SCRT1: variants seen among roughly 807,000 people sequenced by gnomAD.
SCRT1 encodes transcriptional repressor scratch 1.
Under a neutral mutation model 3.4 loss-of-function variants are expected in SCRT1, and 1 was observed. The observed-to-expected ratio is 0.29, with a 90% CI of 0.10 to 1.39. The LOEUF (loss-of-function observed/expected upper bound fraction) is 1.39, where lower values mean the gene tolerates loss of function less well. Ranked by LOEUF, SCRT1 falls within the 40% of genes most tolerant of loss-of-function variation. The pLI is 0.42. For synonymous variants in SCRT1, 238 were observed against 247.0 expected (o/e 0.96, Z 0.34); for missense variants, 380 against 526.3 (o/e 0.72, Z 2.72).
In SCRT1 at chr8:144,332,346, C is replaced by T. The variant is rs1439314109; in HGVS notation, c.*839G>A. ...GGTGTGTAGAGGGCAGCGCCCAGGC[C>T]TGCCTGCCGGCCCCGGGAATCCGTC... is the stretch of plus-strand genomic sequence containing the variant. On this transcript the variant is annotated 3_prime_UTR_variant, in exon 2 of 2. Transcript: ENST00000569446. 1 of 143,828 alleles carries T rather than the reference C, an allele frequency of 7.0e-6. No homozygotes were observed. The highest frequency in any genetic ancestry group is 2.3e-4 in the East Asian group (1 of 4,280). 8.9% of individuals were successfully genotyped at this position (143,828 alleles called of 1,614,324 possible).
chr8:144,333,140 GC>G lies in SCRT1; in HGVS notation c.*44del. ...ACGCCAGCGAAGACTTCCCTGGGGG[GC>G]CGTATTGCTGAGAGCCGACCTGGCT... On this transcript the variant is annotated 3_prime_UTR_variant, in exon 2 of 2. Transcript: ENST00000569446. 2 of 1,406,728 alleles carry G rather than the reference GC, an allele frequency of 1.4e-6. No homozygotes were observed. Among genetic ancestry groups the G allele is most frequent in the Middle Eastern group, 2.4e-4 (1 of 4,196 alleles). 87.1% of individuals were successfully genotyped at this position (1,406,728 alleles called of 1,614,324 possible).
In SCRT1 at chr8:144,333,223, C is replaced by T. The variant is rs1370446539; in HGVS notation, c.1009G>A (p.Ala337Thr). ...GGGCTGAGCTGTGGCGGCGCAGGAGCCGCGGGGCCTCCGGCGCCGCCCTTG... is the reference window on the plus strand; with the variant it reads ...GGGCTGAGCTGTGGCGGCGCAGGAGTCGCGGGGCCTCCGGCGCCGCCCTTG... ...CFKGGAGGPA[A>T]PAPPQLSPVQ... Residue 337 changes from alanine to threonine, a missense_variant, in exon 2 of 2, where the codon GCT becomes ACT. Ala to Thr is a moderately conservative substitution (Grantham distance 58). Around this residue, in one of 5 missense-constraint regions of SCRT1, gnomAD observed 67 missense variants for 64.7 expected, o/e 1.04. Coordinates refer to ENST00000569446, the MANE Select transcript of SCRT1 (RefSeq NM_031309.6). The T allele has an allele frequency of 1.9e-6, 3 of 1,589,524 alleles. No individual in the cohort carries two copies. The highest frequency in any genetic ancestry group is 2.7e-5 in the African/African-American group (2 of 74,636).
rs1817721443 is a variant in SCRT1 at position 144,330,776 on chromosome 8, G to GGGGC, written c.*2405_*2408dup. 6.6e-6 allele frequency: 1 copy of GGGGC among 150,980 alleles called. No individual in the cohort carries two copies. Among genetic ancestry groups the GGGGC allele is most frequent in the African/African-American group, 2.4e-5 (1 of 41,286 alleles). The allele number at this position is 150,980 out of a possible 1,614,324, so 9.4% of individuals were successfully genotyped here. ...AGGCGGCGGGGCACAGGCGGGGGTGGGGGCGGGCGGGCCGGCGGCCGCAGC... is the reference window on the plus strand; with the variant it reads ...AGGCGGCGGGGCACAGGCGGGGGTGGGGGCGGGCGGGCGGGCCGGCGGCCGCAGC... On this transcript the variant is annotated 3_prime_UTR_variant, in exon 2 of 2. Transcript: ENST00000569446.
Position 144,333,592 on chromosome 8 carries a change from G to A in SCRT1, c.640C>T (p.Arg214Cys). The change falls in exon 2 of 2, where the codon CGC becomes TGC. Residue 214 changes from arginine (R) to cysteine (C), a missense_variant. Physicochemically the swap from Arg to Cys is radical, Grantham distance 180 (BLOSUM62 -3). Coordinates refer to ENST00000569446, the MANE Select transcript of SCRT1 (RefSeq NM_031309.6). ...SNLSRHKQTHRSLDSQLARRC... is the reference protein window; with the variant it reads ...SNLSRHKQTHCSLDSQLARRC... ...CGCGCCAGCTGGCTGTCCAGGCTGC[G>A]GTGCGTCTGCTTGTGGCGGCTCAGG... The A allele has an allele frequency of 6.2e-7, 1 of 1,610,076 alleles. No individual in the cohort carries two copies. The highest frequency in any genetic ancestry group is 8.5e-7 in the Non-Finnish European group (1 of 1,179,288).
Position 144,333,386 on chromosome 8 carries a change from G to C in SCRT1, c.846C>G (p.Gly282=), listed in dbSNP as rs782548392. ...GEKPFGCAHC[G]KAFADRSNLR... ...GGTTGGAGCGGTCGGCGAAGGCCTT[G>C]CCGCAGTGCGCGCAGCCGAAGGGTT... Residue 282 remains glycine, a synonymous_variant, in exon 2 of 2, where the codon GGC becomes GGG. Transcript: ENST00000569446. 6.2e-7 allele frequency: 1 copy of C among 1,608,544 alleles called. No homozygotes were observed. The highest frequency in any genetic ancestry group is 8.5e-7 in the Non-Finnish European group (1 of 1,178,506).
rs1554850006 is a variant in SCRT1 at position 144,333,929 on chromosome 8, G to A, written c.303C>T (p.Tyr101=). ...CGCTGACGGCCGCGTCGCCGTTGATGTAGCCGCCCGCAGCGGTGGCCAGCT... is the reference window on the plus strand; with the variant it reads ...CGCTGACGGCCGCGTCGCCGTTGATATAGCCGCCCGCAGCGGTGGCCAGCT... The part of the protein sequence containing the change: ...RPELATAAGG[Y]INGDAAVSEG... The change falls in exon 2 of 2, where the codon TAC becomes TAT. Residue 101 remains tyrosine (Y), a synonymous_variant. Coordinates refer to ENST00000569446, the MANE Select transcript of SCRT1 (RefSeq NM_031309.6). 7.6e-7 allele frequency: 1 copy of A among 1,320,790 alleles called. No homozygotes were observed. The highest frequency in any genetic ancestry group is 1.5e-5 in the African/African-American group (1 of 64,840). 81.8% of individuals were successfully genotyped at this position (1,320,790 alleles called of 1,614,324 possible).
In SCRT1 at chr8:144,333,715, C is replaced by T; in HGVS notation, c.517G>A (p.Gly173Arg). 5.3e-6 allele frequency: 6 copies of T among 1,137,270 alleles called. No individual in the cohort carries two copies. The highest frequency in any genetic ancestry group is 4.2e-5 in the South Asian group (1 of 23,576). The allele number at this position is 1,137,270 out of a possible 1,614,324, so 70.4% of individuals were successfully genotyped here. ...GPGGRGGTRA[G>R]AGTEARAGPG... ...CCCGCGCGCGCCTCGGTGCCTGCCC[C>T]CGCGCGCGTGCCGCCCCGGCCCCCC... Residue 173 changes from glycine (G) to arginine (R), a missense_variant, in exon 2 of 2, where the codon GGG (glycine) becomes AGG (arginine). Gly to Arg is a moderately radical substitution (Grantham distance 125, BLOSUM62 -2). Transcript: ENST00000569446.
At position 144,333,348 on chromosome 8, in the gene SCRT1, A is replaced by C; in HGVS notation, c.884T>G (p.Met295Arg). The C allele has an allele frequency of 6.2e-7, 1 of 1,612,262 alleles. No individual in the cohort carries two copies. The highest frequency in any genetic ancestry group is 8.5e-7 in the Non-Finnish European group (1 of 1,179,530). Residue 295 changes from methionine (M) to arginine (R), a missense_variant, in exon 2 of 2, where the codon ATG (methionine) becomes AGG (arginine). Met to Arg is a moderately conservative substitution (Grantham distance 91). Around this residue, in one of 5 missense-constraint regions of SCRT1, gnomAD observed 56 missense variants for 169.3 expected, o/e 0.33. Transcript: ENST00000569446. Reference protein sequence around the residue: ...FADRSNLRAHMQTHSAFKHFQ... With the variant: ...FADRSNLRAHRQTHSAFKHFQ... The stretch of plus-strand genomic sequence containing the variant: ...GTGCTTGAAGGCCGAATGCGTCTGC[A>C]TGTGCGCGCGCAGGTTGGAGCGGTC...
In SCRT1 at chr8:144,332,827, A is replaced by C. The variant is rs904891593; in HGVS notation, c.*358T>G. 9.4e-6 allele frequency: 2 copies of C among 211,716 alleles called. No homozygotes were observed. Among genetic ancestry groups the C allele is most frequent in the Non-Finnish European group, 9.4e-6 (1 of 106,632 alleles). 13.1% of individuals were successfully genotyped at this position (211,716 alleles called of 1,614,324 possible). A position where few individuals can be genotyped will look rare whatever the true frequency, so the allele number is the denominator to read the frequency against. ...GACCTGAGTCCCTGCGACGCGATCC[A>C]GGGGCGCAGAGGCGGGAGAAGGAGG... On this transcript the variant is annotated 3_prime_UTR_variant, in exon 2 of 2. Transcript: ENST00000569446.
In SCRT1 at chr8:144,336,229, C is replaced by A; in HGVS notation, c.-60G>T. Reference sequence around the variant, plus strand: ...GAGCCGGGGCTTGGGGGGGCTGCGGCGGCAGGGCCCCGTCACCATCCGAGG... The same window carrying A: ...GAGCCGGGGCTTGGGGGGGCTGCGGAGGCAGGGCCCCGTCACCATCCGAGG... On this transcript the variant is annotated 5_prime_UTR_variant, in exon 1 of 2. Coordinates refer to ENST00000569446, the MANE Select transcript of SCRT1 (RefSeq NM_031309.6). The surrounding 1 kb of genome is among the most constrained non-coding windows in gnomAD (Gnocchi z 6.8). 1 of 1,281,210 alleles carries A rather than the reference C, an allele frequency of 7.8e-7. No individual in the cohort carries two copies. Among genetic ancestry groups the A allele is most frequent in the Admixed American group, 2.5e-5 (1 of 40,520 alleles). 79.4% of individuals were successfully genotyped at this position (1,281,210 alleles called of 1,614,324 possible). A position where few individuals can be genotyped will look rare whatever the true frequency, so the allele number is the denominator to read the frequency against.
chr8:144,333,837 C>G lies in SCRT1; in HGVS notation c.395G>C (p.Gly132Ala). 8.1e-7 allele frequency: 1 copy of G among 1,233,044 alleles called. No individual in the cohort carries two copies. The highest frequency in any genetic ancestry group is 1.0e-6 in the Non-Finnish European group (1 of 988,418). 76.4% of individuals were successfully genotyped at this position (1,233,044 alleles called of 1,614,324 possible). ...GRSRRKASNA[G>A]AAAAPSTASA... Reference sequence around the variant, plus strand: ...GGCTGTGGAGGGAGCGGCGGCAGCGCCGGCATTGGAAGCCTTACGCCGCGA... The same window carrying G: ...GGCTGTGGAGGGAGCGGCGGCAGCGGCGGCATTGGAAGCCTTACGCCGCGA... Residue 132 changes from glycine (G) to alanine (A), a missense_variant, in exon 2 of 2, where the codon GGC (glycine) becomes GCC (alanine). By Grantham distance (60) the Gly-to-Ala change is moderately conservative (BLOSUM62 0). Coordinates refer to ENST00000569446, the MANE Select transcript of SCRT1 (RefSeq NM_031309.6).
Position 144,332,785 on chromosome 8 carries a change from T to G in SCRT1, c.*400A>C. The G allele has an allele frequency of 6.0e-6, 1 of 165,670 alleles. No individual in the cohort carries two copies. The highest frequency in any genetic ancestry group is 1.3e-5 in the Non-Finnish European group (1 of 77,262). The allele number at this position is 165,670 out of a possible 1,614,324, so 10.3% of individuals were successfully genotyped here. Reference sequence around the variant, plus strand: ...GCCGCAGGCCCTGCGCTAGAAGGCTTGGGAAGGGGTGGGGAAGACCTGAGT... The same window carrying G: ...GCCGCAGGCCCTGCGCTAGAAGGCTGGGGAAGGGGTGGGGAAGACCTGAGT... On this transcript the variant is annotated 3_prime_UTR_variant, in exon 2 of 2. Transcript: ENST00000569446.
In SCRT1 at chr8:144,333,297, C is replaced by T; in HGVS notation, c.935G>A (p.Ser312Asn). 6.2e-7 allele frequency: 1 copy of T among 1,612,888 alleles called. No homozygotes were observed. The highest frequency in any genetic ancestry group is 8.5e-7 in the Non-Finnish European group (1 of 1,179,766). Reference protein sequence around the residue: ...KHFQCKRCKKSFALKSYLNKH... With the variant: ...KHFQCKRCKKNFALKSYLNKH... ...GTTGAGATAGGACTTGAGCGCGAAG[C>T]TCTTCTTGCAGCGCTTGCACTGGAA... Residue 312 changes from serine (S) to asparagine (N), a missense_variant, in exon 2 of 2, where the codon AGC (serine) becomes AAC (asparagine). Physicochemically the swap from Ser to Asn is conservative, Grantham distance 46. This residue lies in a region of SCRT1 where 67 missense variants were observed against 64.7 expected (regional missense o/e 1.04). Transcript: ENST00000569446.
intron 1 of SCRT1, among the ~76,000 whole-genome samples, chr8:144,334,930 G>A (rs782409943): frequency 4.6e-5 from 7 of 152,168 alleles, no homozygotes; most frequent in Non-Finnish European, 1.0e-4. Flanking sequence ...TGTGCAGAGA[G>A]GGCCAGGGCG....
Position 144,335,848 on chromosome 8 carries a change from C to A in SCRT1, c.115+207G>T, listed in dbSNP as rs1337753739. ...CCTGATCCTCTTCCCCACCCTCTGT[C>A]CAACGTCGACACTCTCCCTGCCCAG... On this transcript the variant is annotated intron_variant, in intron 1 of 1. Transcript: ENST00000569446. This position sits in a 1 kb window ranked among gnomAD's most constrained non-coding sequence, Gnocchi z 7.7. Among the ~76,000 whole-genome samples, 9 of 152,358 alleles carry A rather than the reference C, an allele frequency of 5.9e-5. No homozygotes were observed. In the East Asian group the frequency reaches 1.5e-3, roughly 26 times the overall value.
Position 144,332,869 on chromosome 8 carries a change from C to G in SCRT1, c.*316G>C. On this transcript the variant is annotated 3_prime_UTR_variant, in exon 2 of 2. Transcript: ENST00000569446. ...AGAAGGAGGGCGCTCCCTACCTCAC[C>G]TCACCCCCGTCTTCAGAGACCCAAC... The G allele has an allele frequency of 3.2e-6, 1 of 309,344 alleles. No individual in the cohort carries two copies. Among genetic ancestry groups the G allele is most frequent in the Non-Finnish European group, 5.9e-6 (1 of 168,516 alleles). The allele number at this position is 309,344 out of a possible 1,614,324, so 19.2% of individuals were successfully genotyped here. A position where few individuals can be genotyped will look rare whatever the true frequency, so the allele number is the denominator to read the frequency against.
rs782264128 is a variant in SCRT1 at position 144,334,125 on chromosome 8, G to A, written c.116-9C>T. ...GTAGTCGCTGAGGTACCCTGCGGGC[G>A]GAGGCGGACGGACAGCGGGAAGGGA... On this transcript the variant is annotated splice_polypyrimidine_tract_variant and intron_variant, in intron 1 of 1. Coordinates refer to ENST00000569446, the MANE Select transcript of SCRT1 (RefSeq NM_031309.6). 6.6e-6 allele frequency: 10 copies of A among 1,524,054 alleles called. No individual in the cohort carries two copies. The highest frequency in any genetic ancestry group is 6.1e-6 in the Non-Finnish European group (7 of 1,139,096). 94.4% of individuals were successfully genotyped at this position (1,524,054 alleles called of 1,614,324 possible).
At position 144,331,045 on chromosome 8, in the gene SCRT1, A is replaced by C. The variant is rs570499455; in HGVS notation, c.*2140T>G. 2 of 151,312 alleles carry C rather than the reference A, an allele frequency of 1.3e-5. No homozygotes were observed. Among genetic ancestry groups the C allele is most frequent in the East Asian group, 3.9e-4 (2 of 5,078 alleles). 9.4% of individuals were successfully genotyped at this position (151,312 alleles called of 1,614,324 possible). On this transcript the variant is annotated 3_prime_UTR_variant, in exon 2 of 2. Transcript: ENST00000569446. ...GTAGACAGGAGTATGGGGTGGGGTG[A>C]GGTGGGGGCGCCTGTGTGTGCGTGT...
chr8:144,333,984 C>A lies in SCRT1; in HGVS notation c.248G>T (p.Gly83Val), dbSNP rs1554850020. 1.4e-6 allele frequency: 2 copies of A among 1,417,246 alleles called. No homozygotes were observed. The highest frequency in any genetic ancestry group is 1.8e-6 in the Non-Finnish European group (2 of 1,087,034). The allele number at this position is 1,417,246 out of a possible 1,614,324, so 87.8% of individuals were successfully genotyped here. The change falls in exon 2 of 2, where the codon GGG (glycine) becomes GTG (valine). Residue 83 changes from glycine to valine, a missense_variant. This residue lies in a region of SCRT1 where 125 missense variants were observed against 132.7 expected (regional missense o/e 0.94). Coordinates refer to ENST00000569446, the MANE Select transcript of SCRT1 (RefSeq NM_031309.6). ...GCGCGGGGTGGGCGGCGGCGCAGAC[C>A]CTGCAGCCGCCGGACCCAGCTCTCC... ...VRGELGPAAAGSAPPPTPRPE... is the reference protein window; with the variant it reads ...VRGELGPAAAVSAPPPTPRPE...
Sources: gnomAD v4.1 joint callset for allele counts (sites outside exome capture counted in the v4.1 genomes callset) on GRCh38, gnomAD v4.1.1 for gene constraint, gnomAD v4.1.1 regional missense constraint, Gnocchi (gnomAD v3.1) non-coding constraint, MANE v1.5 for transcripts, NCBI Gene and HGNC (gene_info 2026-07-23, HGNC 2026-07-21) for gene names.